Variants in NAA40 observed in about 807,000 individuals in gnomAD.
NAA40 encodes N-alpha-acetyltransferase 40.
Under a neutral mutation model 36.6 loss-of-function variants are expected in NAA40, and 26 were observed. That is an observed-to-expected ratio of 0.71 (90% CI 0.52 to 0.98). The LOEUF is 0.98. NAA40 is among the 50% of genes least tolerant of loss of function. The pLI, the probability that NAA40 is intolerant of heterozygous loss-of-function variation, is 0.00. For synonymous variants in NAA40, 129 were observed against 108.4 expected (o/e 1.19, Z -1.18); for missense variants, 237 against 306.5 (o/e 0.77, Z 1.69).
chr11:63,953,512 G>C (rs1942314745), intron 6 of NAA40, among the ~76,000 whole-genome samples: 1 of 150,226 alleles, frequency 6.7e-6, no homozygotes, highest in African/African-American at 2.5e-5. Flanking sequence ...AGTGCTGTGT[G>C]GGGGTCCAAG....
At chr11:63,939,162 C>G (rs1942064805) in intron 1 of NAA40, 60 bp downstream of exon 1, 4 of 1,541,872 alleles carry the variant, frequency 2.6e-6, no homozygotes, top group Admixed American at 1.9e-5. Flanking sequence ...ACCCTCGCCC[C>G]CTTTGTTCTT....
chr11:63,944,180 A>G (rs1942150069), intron 1 of NAA40, among the ~76,000 whole-genome samples: 1 of 152,220 alleles, frequency 6.6e-6, no homozygotes, highest in Admixed American at 6.5e-5. Context: ...AATAGTGGGT[A>G]GAACTGATTC....
At position 63,947,698 on chromosome 11, in the gene NAA40, G is replaced by A. The variant is rs951003764; in HGVS notation, c.155+695G>A. Among the ~76,000 whole-genome samples, 30 of 146,670 alleles carry A rather than the reference G, an allele frequency of 2.0e-4. 1 individual carries two copies. The highest frequency in any genetic ancestry group is 1.6e-3 in the Admixed American group (24 of 14,690). On this transcript the variant is annotated intron_variant, in intron 3 of 7. Coordinates refer to ENST00000377793, the MANE Select transcript of NAA40 (RefSeq NM_024771.4). The stretch of plus-strand genomic sequence containing the variant: ...CCCAAGTACCTGGGATTATAGGTGC[G>A]TGCCACCACACCTCACTAATTTTTG...
intron 3 of NAA40, among the ~76,000 whole-genome samples, chr11:63,949,345 C>T (rs1238740515): frequency 6.6e-6 from 1 of 151,964 alleles, no homozygotes; most frequent in Admixed American, 6.6e-5. Flanking sequence ...TTTAGATTCG[C>T]GGGGTACATG....
chr11:63,944,364 T>C (rs1014836433), intron 1 of NAA40, among the ~76,000 whole-genome samples: 1 of 152,010 alleles, frequency 6.6e-6, no homozygotes, highest in African/African-American at 2.4e-5. Flanking sequence ...AAGAGGCTGC[T>C]CTATTGGTAA....
intron 3 of NAA40, chr11:63,952,033 G>T: frequency 1.9e-6 from 1 of 538,612 alleles, no homozygotes; most frequent in South Asian, 2.9e-5. Flanking sequence ...TTGGGGGGTG[G>T]GCCGTGTGGC....
intron 2 of NAA40, chr11:63,946,704 GGT>G: frequency 6.6e-7 from 1 of 1,506,804 alleles, no homozygotes; most frequent in Non-Finnish European, 8.9e-7. Flanking sequence ...AGGCTAATGA[GGT>G]CTCCTCTTGC....
intron 1 of NAA40, among the ~76,000 whole-genome samples, chr11:63,941,754 A>G (rs1942112388): frequency 1.3e-5 from 2 of 152,030 alleles, no homozygotes; most frequent in African/African-American, 4.8e-5. Flanking sequence ...GGGTTTCACC[A>G]TGTTGGCTAG....
chr11:63,946,869 C>T, intron 2 of NAA40, 82 bp from the exon 3 acceptor site: 1 of 1,608,468 alleles, frequency 6.2e-7, no homozygotes, highest in South Asian at 1.1e-5. Flanking sequence ...CAGCATCCCA[C>T]TCCAAGACAA....
chr11:63,944,462 G>A (rs1455275622), intron 1 of NAA40, among the ~76,000 whole-genome samples: 3 of 152,104 alleles, frequency 2.0e-5, no homozygotes, highest in Non-Finnish European at 2.9e-5. Flanking sequence ...GTGCTCTCTT[G>A]TTGTCCTGGG....
In NAA40 at chr11:63,952,245, G is replaced by A; in HGVS notation, c.163G>A (p.Val55Ile). 6.2e-7 allele frequency: 1 copy of A among 1,611,552 alleles called. No individual in the cohort carries two copies. The highest frequency in any genetic ancestry group is 8.5e-7 in the Non-Finnish European group (1 of 1,178,534). ...GTCCTGTCCTCTTCTCAGGTTGAAT[G>A]TCTCCATTGAATGTAAGCGAGTGTC... ...FKKYDRNGLNVSIECKRVSGL... is the reference protein window; with the variant it reads ...FKKYDRNGLNISIECKRVSGL... Residue 55 changes from valine (V) to isoleucine (I), a missense_variant, in exon 4 of 8, where the codon GTC becomes ATC. Physicochemically the swap from Val to Ile is conservative, Grantham distance 29. Transcript: ENST00000377793.
rs2134264417 is a variant in NAA40, at chr11:63,940,615, T to A, written c.6+1513T>A. On this transcript the variant is annotated intron_variant, in intron 1 of 7. Coordinates refer to ENST00000377793, the MANE Select transcript of NAA40 (RefSeq NM_024771.4). Reference sequence around the variant, plus strand: ...GTGGCTGTTATTTTTGTCTGTATCCTCAGCCTTAACTTTACTGATCTAAAA... The same window carrying A: ...GTGGCTGTTATTTTTGTCTGTATCCACAGCCTTAACTTTACTGATCTAAAA... Among the ~76,000 whole-genome samples the A allele has an allele frequency of 3.3e-5, 5 of 152,324 alleles. No individual in the cohort carries two copies. In the South Asian group the frequency reaches 1.0e-3, roughly 32 times the overall value.
chr11:63,944,770 G>C (rs1197718253), intron 1 of NAA40, among the ~76,000 whole-genome samples: 1 of 152,074 alleles, frequency 6.6e-6, no homozygotes, highest in African/African-American at 2.4e-5. Flanking sequence ...GGACATGGTG[G>C]TGCGCTCCTG....
intron 3 of NAA40, among the ~76,000 whole-genome samples, chr11:63,951,671 T>TC (rs66691823): frequency 0.28 from 41,807 of 151,786 alleles, 7,382 homozygotes; most frequent in Non-Finnish European, 0.39. Flanking sequence ...GCTGAGAGTA[T>TC]CCCCCCTGCT....
At chr11:63,954,160 C>T in intron 7 of NAA40, 111 bp downstream of exon 7, 1 of 1,364,928 alleles carries the variant, frequency 7.3e-7, no homozygotes, top group Non-Finnish European at 1.0e-6. Flanking sequence ...TCCAGTGGTC[C>T]ATGGGGGTTC....
intron 2 of NAA40, chr11:63,946,201 G>A (rs761529487): frequency 2.2e-6 from 1 of 452,020 alleles, no homozygotes; most frequent in Admixed American, 3.6e-5. Context: ...GGAGGATCTA[G>A]ATAATTTTTT....
intron 2 of NAA40, chr11:63,946,747 TG>T: frequency 1.3e-6 from 2 of 1,530,426 alleles, no homozygotes; most frequent in Non-Finnish European, 1.8e-6. Flanking sequence ...TTAACTCTCC[TG>T]GGCCTTTCCA....
chr11:63,954,731 C>T lies in NAA40; in HGVS notation c.*252C>T. On this transcript the variant is annotated 3_prime_UTR_variant, in exon 8 of 8. Transcript: ENST00000377793. Reference sequence around the variant, plus strand: ...GGGGCCGGGCAGTGAAGCTCATCCTCCACAGTGGCTGCCTCCTCATTTGGC... The same window carrying T: ...GGGGCCGGGCAGTGAAGCTCATCCTTCACAGTGGCTGCCTCCTCATTTGGC... 2 of 352,424 alleles carry T rather than the reference C, an allele frequency of 5.7e-6. No homozygotes were observed. The highest frequency in any genetic ancestry group is 9.7e-5 in the Admixed American group (2 of 20,656). 21.8% of individuals were successfully genotyped at this position (352,424 alleles called of 1,614,324 possible).
intron 3 of NAA40, among the ~76,000 whole-genome samples, chr11:63,948,642 C>T (rs999596963): frequency 6.6e-6 from 1 of 151,996 alleles, no homozygotes; most frequent in East Asian, 1.9e-4. Context: ...GGCGTGAACC[C>T]GGGAGGCGGA....
Sources: allele counts gnomAD v4.1 joint callset (sites outside exome capture counted in the v4.1 genomes callset), GRCh38; gene constraint gnomAD v4.1.1; transcripts MANE v1.5; gene names NCBI Gene and HGNC (gene_info 2026-07-23, HGNC 2026-07-21).